STARD13: variants seen among roughly 807,000 people sequenced by gnomAD.
STARD13 encodes stAR-related lipid transfer protein 13.
A neutral mutation model predicts 106.4 loss-of-function variants in STARD13; 62 were observed. The observed-to-expected ratio is 0.58, with a 90% CI of 0.48 to 0.72. STARD13 has a LOEUF of 0.72. STARD13 is among the 30% of genes least tolerant of loss of function. STARD13 has a pLI of 0.00. For missense variants in STARD13, 1,387 were observed against 1,424.0 expected, an observed-to-expected ratio of 0.97 and a Z score of 0.42; for synonymous variants, 565 against 553.0, an observed-to-expected ratio of 1.02 and a Z score of -0.31.
Position 33,142,206 on chromosome 13 carries a change from T to C in STARD13, c.387+104A>G. On this transcript the variant is annotated intron_variant, in intron 4 of 13. Coordinates refer to ENST00000336934, the MANE Select transcript of STARD13 (RefSeq NM_178006.4). ...CTGTGCCCAGCTAATTTATTATTAT[T>C]ATTTTTTTGTAGACACAAGGGTCTC... The C allele has an allele frequency of 3.4e-6, 3 of 871,148 alleles. No homozygotes were observed. In the South Asian group the frequency reaches 4.3e-5, roughly 13 times the overall value. 54.0% of individuals were successfully genotyped at this position (871,148 alleles called of 1,614,324 possible).
chr13:33,566,861 A>C, the STARD13 span, among the ~76,000 whole-genome samples: 2 of 148,158 alleles, frequency 1.3e-5, no homozygotes, highest in Non-Finnish European at 3.0e-5. Context: ...AGCTTACAGC[A>C]GGCCTACCAT....
chr13:33,577,684 C>T, the STARD13 span, among the ~76,000 whole-genome samples: 595 of 152,134 alleles, frequency 3.9e-3, 2 homozygotes, highest in Non-Finnish European at 6.6e-3. Context: ...AATCTAGACA[C>T]GGAGCTTGCA....
At chr13:33,392,210 G>A in the STARD13 span, among the ~76,000 whole-genome samples, 2 of 152,110 alleles carry the variant, frequency 1.3e-5, no homozygotes, top group African/African-American at 4.8e-5. Flanking sequence ...TTGCAACCTT[G>A]TTGTGTTTGC....
chr13:33,630,367 T>C, the STARD13 span, among the ~76,000 whole-genome samples: 4 of 152,120 alleles, frequency 2.6e-5, no homozygotes, highest in African/African-American at 4.8e-5. Flanking sequence ...CTTTCCTACC[T>C]CTTCACCACT....
chr13:33,458,763 C>T, the STARD13 span, among the ~76,000 whole-genome samples: 6 of 151,476 alleles, frequency 4.0e-5, no homozygotes, highest in Non-Finnish European at 8.8e-5. Context: ...TTTCAGACCC[C>T]ATTCTTCCTC....
At chr13:33,554,089 A>G in the STARD13 span, among the ~76,000 whole-genome samples, 1 of 152,110 alleles carries the variant, frequency 6.6e-6, no homozygotes, top group African/African-American at 2.4e-5. Flanking sequence ...ACCATTGGGT[A>G]TCTGGCCTAA....
intron 12 of STARD13, among the ~76,000 whole-genome samples, chr13:33,109,110 T>C (rs1327818872): frequency 1.3e-5 from 2 of 152,204 alleles, no homozygotes; most frequent in African/African-American, 2.4e-5. Context: ...AGGTTCCTTT[T>C]ACACTGCTGA....
At chr13:33,178,729 T>C (rs797215) in intron 1 of STARD13, among the ~76,000 whole-genome samples, 89,651 of 152,100 alleles carry the variant, frequency 0.59, 27,838 homozygotes, top group Non-Finnish European at 0.68. Flanking sequence ...TTTGACCTTC[T>C]GCATATGTAT....
chr13:33,131,648 A>G (rs973263047), intron 4 of STARD13, among the ~76,000 whole-genome samples: 1 of 152,206 alleles, frequency 6.6e-6, no homozygotes, highest in Non-Finnish European at 1.5e-5. Context: ...ATATTTATTC[A>G]TATGTATAGC....
the STARD13 span, among the ~76,000 whole-genome samples, chr13:33,589,837 C>G: frequency 2.6e-5 from 4 of 152,122 alleles, no homozygotes; most frequent in African/African-American, 9.7e-5. Context: ...GAGCTGAGTT[C>G]AATTCCTGGA....
intron 2 of STARD13, among the ~76,000 whole-genome samples, chr13:33,165,991 G>T (rs1015326764): frequency 1.3e-5 from 2 of 152,150 alleles, no homozygotes; most frequent in African/African-American, 4.8e-5. Flanking sequence ...GAAGGTCACA[G>T]GCAATATTTA....
At chr13:33,480,796 A>T in the STARD13 span, among the ~76,000 whole-genome samples, 2 of 152,170 alleles carry the variant, frequency 1.3e-5, no homozygotes, top group Non-Finnish European at 2.9e-5. Flanking sequence ...TTCCATTTTG[A>T]CTAAAAGGAA....
the STARD13 span, among the ~76,000 whole-genome samples, chr13:33,651,317 G>A: frequency 0.17 from 25,120 of 152,076 alleles, 4,948 homozygotes; most frequent in African/African-American, 0.45. Context: ...GAAAATGTAC[G>A]CACTACAGGA....
chr13:33,296,318 G>T (rs115805795), intron 1 of STARD13, among the ~76,000 whole-genome samples: 2 of 152,014 alleles, frequency 1.3e-5, no homozygotes, highest in African/African-American at 4.8e-5. Context: ...ACATCATCAC[G>T]CAATGTATCT....
chr13:33,385,781 G>T, the STARD13 span, among the ~76,000 whole-genome samples: 1 of 148,928 alleles, frequency 6.7e-6, no homozygotes, highest in Non-Finnish European at 1.5e-5. Flanking sequence ...AATCACTTGA[G>T]TCCGGGTTGC....
intron 1 of STARD13, among the ~76,000 whole-genome samples, chr13:33,306,456 CA>C (rs1232767817): frequency 1.3e-5 from 2 of 152,060 alleles, no homozygotes; most frequent in African/African-American, 4.8e-5. Flanking sequence ...ACAATTGCAA[CA>C]AAAGCAAAAA....
the STARD13 span, among the ~76,000 whole-genome samples, chr13:33,638,879 C>T: frequency 6.6e-6 from 1 of 152,122 alleles, no homozygotes; most frequent in Non-Finnish European, 1.5e-5. Flanking sequence ...TAGTTTTAAA[C>T]TTCTAACCAA....
At chr13:33,334,613 C>T (rs1170316283) in intron 1 of STARD13, among the ~76,000 whole-genome samples, 1 of 152,056 alleles carries the variant, frequency 6.6e-6, no homozygotes, top group Non-Finnish European at 1.5e-5. Flanking sequence ...GTGGGCATCA[C>T]TAGAATGGAA....
the STARD13 span, among the ~76,000 whole-genome samples, chr13:33,428,799 T>C: frequency 2.9e-3 from 434 of 152,248 alleles, 1 homozygote; most frequent in South Asian, 0.018. Flanking sequence ...TATTAGGAGC[T>C]TTTTAGGAGC....
Sources: gnomAD v4.1 joint callset for allele counts (sites outside exome capture counted in the v4.1 genomes callset) on GRCh38, gnomAD v4.1.1 for gene constraint, MANE v1.5 for transcripts, NCBI Gene and HGNC (gene_info 2026-07-23, HGNC 2026-07-21) for gene names.